The following CD36 variants were observed in gnomAD, a reference collection of about 807,000 sequenced individuals.
The protein encoded by CD36 is CD36 molecule (CD36 blood group), also known as platelet glycoprotein 4.
In CD36, 119 loss-of-function variants were observed where a neutral mutation model predicts 55.2. The ratio of observed to expected loss-of-function variants is 2.15; its 90% CI spans 1.86 to 2.51. CD36 has a LOEUF of 2.51. Among genes scored for constraint, CD36 ranks in the 30% most tolerant of loss-of-function variants. The pLI is 0.00. For missense variants in CD36, 819 were observed against 555.5 expected, an observed-to-expected ratio of 1.47 and a Z score of -4.77; for synonymous variants, 186 against 193.6, an observed-to-expected ratio of 0.96 and a Z score of 0.33.
At chr7:80,631,795 C>T (rs1428029599) in intron 1 of CD36, among the ~76,000 whole-genome samples, 1 of 150,770 alleles carries the variant, frequency 6.6e-6, no homozygotes, top group Non-Finnish European at 1.5e-5. Context: ...AAAAACATTT[C>T]TGGAAGTTTT....
rs67213422 is a variant in CD36 at position 80,604,350 on chromosome 7, A to ATTTTTTTTTTTTTTTTTTTTTTTTT, written c.-184+1987_-184+2011dup. On this transcript the variant is annotated intron_variant, in intron 1 of 13. Coordinates refer to the CD36 transcript ENST00000309881. Reference sequence around the variant, plus strand: ...TACAGTAATTGGCTAAGCCACTGGAATTTTTTTTTTTTTTTTTTTTTTTTT... The same window carrying ATTTTTTTTTTTTTTTTTTTTTTTTT: ...TACAGTAATTGGCTAAGCCACTGGAATTTTTTTTTTTTTTTTTTTTTTTTTTTTTTTTTTTTTTTTTTTTTTTTTT... 9.2e-5 allele frequency among the ~76,000 whole-genome samples: 5 copies of ATTTTTTTTTTTTTTTTTTTTTTTTT among 54,278 alleles called. 1 individual carries two copies. The highest frequency in any genetic ancestry group is 3.9e-4 in the East Asian group (1 of 2,576). 35.6% of individuals were successfully genotyped at this position (54,278 alleles called of 152,430 possible). A position where few individuals can be genotyped will look rare whatever the true frequency, so the allele number is the denominator to read the frequency against.
intron 13 of CD36, chr7:80,673,743 A>C (rs1468351295): frequency 1.7e-6 from 1 of 575,232 alleles, no homozygotes; most frequent in Non-Finnish European, 3.1e-6. Flanking sequence ...AGCAAATGAA[A>C]CTGTTGACCC....
chr7:80,652,398 C>T (rs1207424723), intron 3 of CD36, among the ~76,000 whole-genome samples: 1 of 152,132 alleles, frequency 6.6e-6, no homozygotes, highest in Non-Finnish European at 1.5e-5. Context: ...TACATTTCAC[C>T]TAATTTTATT....
chr7:80,657,911 T>C (rs989743139), intron 4 of CD36, among the ~76,000 whole-genome samples: 1 of 152,230 alleles, frequency 6.6e-6, no homozygotes, highest in Non-Finnish European at 1.5e-5. Context: ...CTGTTTTGGT[T>C]ATCGGATGAT....
At chr7:80,647,655 C>G (rs1016826631) in intron 3 of CD36, among the ~76,000 whole-genome samples, 1 of 152,134 alleles carries the variant, frequency 6.6e-6, no homozygotes, top group African/African-American at 2.4e-5. Flanking sequence ...AGTTCTAAAT[C>G]AGGGATGGCA....
chr7:80,658,486 C>G (rs894936043), intron 4 of CD36, among the ~76,000 whole-genome samples: 3 of 151,892 alleles, frequency 2.0e-5, no homozygotes, highest in Admixed American at 2.0e-4. Flanking sequence ...TTTTTCACTT[C>G]TGTTTTTAAT....
upstream of CD36, among the ~76,000 whole-genome samples, chr7:80,635,129 G>T (rs1377603331): frequency 6.6e-6 from 1 of 152,064 alleles, no homozygotes; most frequent in Non-Finnish European, 1.5e-5. Flanking sequence ...CTTAACATTT[G>T]TTACTTCTGA....
At chr7:80,671,777 C>A in intron 10 of CD36, 145 bp from the exon 11 acceptor site, 1 of 687,482 alleles carries the variant, frequency 1.5e-6, no homozygotes, top group Non-Finnish European at 2.5e-6. Flanking sequence ...TAGTAGAAAT[C>A]AACTGACATA....
In CD36 at chr7:80,674,090, GAT is replaced by G; in HGVS notation, c.1363_1364del (p.Met455ValfsTer98). On this transcript the variant is annotated frameshift_variant, in exon 14 of 15. Transcript: ENST00000447544. LOFTEE classifies it high-confidence loss of function. ...EMILLSVGVVMFVAFMISYCA... is the reference protein window; with the variant it reads ...EMILLSVGVVXFVAFMISYCA... ...TGATCTTACTCAGTGTTGGTGTGGT[GAT>G]GTTTGTTGCTTTTATGATTTCATAT... is the stretch of plus-strand genomic sequence containing the variant. The G allele has an allele frequency of 1.2e-6, 2 of 1,612,472 alleles. No individual in the cohort carries two copies. Among genetic ancestry groups the G allele is most frequent in the Middle Eastern group, 1.7e-4 (1 of 6,058 alleles).
At chr7:80,640,268 T>C (rs1584348733) in intron 1 of CD36, among the ~76,000 whole-genome samples, 1 of 152,128 alleles carries the variant, frequency 6.6e-6, no homozygotes, top group East Asian at 1.9e-4. Flanking sequence ...TTCATTATAA[T>C]CTAACTATTT....
chr7:80,610,731 C>A (rs10268662), intron 1 of CD36, among the ~76,000 whole-genome samples: 25 of 151,710 alleles, frequency 1.6e-4, no homozygotes, highest in Admixed American at 4.6e-4. Context: ...CCCGCCACCA[C>A]GCCTGGCTAA....
At chr7:80,663,610 A>AT (rs3211904) in intron 6 of CD36, among the ~76,000 whole-genome samples, 2,478 of 152,266 alleles carry the variant, frequency 0.016, 73 homozygotes, top group African/African-American at 0.054. Flanking sequence ...TAATGTTCAC[A>AT]TCTCAATACT....
rs17154239 is a variant in CD36, at chr7:80,663,897, A to G, written c.610-509A>G. ...GATTACAAGGTTATATATCAATTAT[A>G]AATGAATGTAGAAAGCCATAATGAA... On this transcript the variant is annotated intron_variant, in intron 6 of 14. Coordinates refer to ENST00000447544, the MANE Select transcript of CD36 (RefSeq NM_001001548.3). 7.2e-3 allele frequency among the ~76,000 whole-genome samples: 1,093 copies of G among 152,274 alleles called. 44 individuals carry two copies. The East Asian group carries it at 0.087, about 12-fold the overall frequency.
chr7:80,673,832 T>C, intron 13 of CD36, 151 bp from the exon 14 acceptor site: 1 of 684,386 alleles, frequency 1.5e-6, no homozygotes, highest in East Asian at 2.7e-5. Flanking sequence ...TTGCCTTTCT[T>C]GACTTGCAAA....
At chr7:80,630,567 G>A (rs994680291) in intron 1 of CD36, among the ~76,000 whole-genome samples, 6 of 152,046 alleles carry the variant, frequency 3.9e-5, no homozygotes, top group Admixed American at 3.9e-4. Flanking sequence ...TCTATAGCAT[G>A]GGAAGTACTT....
chr7:80,640,957 A>T (rs372007153), intron 1 of CD36, among the ~76,000 whole-genome samples: 92 of 152,194 alleles, frequency 6.0e-4, no homozygotes, highest in African/African-American at 2.2e-3. Context: ...TAGGATAGAA[A>T]TGGACATGAG....
intron 1 of CD36, among the ~76,000 whole-genome samples, chr7:80,640,724 C>G (rs1212101516): frequency 2.6e-5 from 4 of 151,944 alleles, no homozygotes; most frequent in African/African-American, 9.7e-5. Flanking sequence ...AATTTCAAAC[C>G]TACAGTAATC....
rs988648996 is a variant in CD36 at position 80,674,227 on chromosome 7, C to T, written c.*80C>T. 15 of 924,162 alleles carry T rather than the reference C, an allele frequency of 1.6e-5. No homozygotes were observed. The African/African-American group carries it at 2.1e-4, about 13-fold the overall frequency. The allele number at this position is 924,162 out of a possible 1,614,324, so 57.2% of individuals were successfully genotyped here. A position where few individuals can be genotyped will look rare whatever the true frequency, so the allele number is the denominator to read the frequency against. ...TTTTCACTTTATCAAAGAGAAGTTACATATTAGGCCATATATATTTCTAGA... is the reference window on the plus strand; with the variant it reads ...TTTTCACTTTATCAAAGAGAAGTTATATATTAGGCCATATATATTTCTAGA... On this transcript the variant is annotated intron_variant, in intron 14 of 14. Coordinates refer to ENST00000447544, the MANE Select transcript of CD36 (RefSeq NM_001001548.3).
intron 11 of CD36, 89 bp downstream of exon 11, chr7:80,672,129 A>C: frequency 2.8e-6 from 3 of 1,066,028 alleles, no homozygotes; most frequent in Middle Eastern, 6.0e-4. Flanking sequence ...TTATTTATTC[A>C]ATAAATAATC....
Sources: gnomAD v4.1 joint callset for allele counts (sites outside exome capture counted in the v4.1 genomes callset) on GRCh38, gnomAD v4.1.1 for gene constraint, MANE v1.5 for transcripts, NCBI Gene and HGNC (gene_info 2026-07-23, HGNC 2026-07-21) for gene names.